The following HMGXB3 variants were observed in gnomAD, a reference collection of about 807,000 sequenced individuals.
HMGXB3 encodes the protein HMG domain-containing protein 3.
Under a neutral mutation model 121.5 loss-of-function variants are expected in HMGXB3, and 45 were observed. The observed-to-expected ratio is 0.37, with a 90% confidence interval of 0.29 to 0.47. HMGXB3 has a LOEUF of 0.47. Ranked by LOEUF, HMGXB3 falls within the 20% of genes least tolerant of loss-of-function variation. The pLI, the probability that HMGXB3 is intolerant of heterozygous loss-of-function variation, is 0.99. For missense variants in HMGXB3, 1,376 were observed against 1,602.2 expected, an observed-to-expected ratio of 0.86 and a Z score of 2.41; for synonymous variants, 590 against 624.1, an observed-to-expected ratio of 0.95 and a Z score of 0.81.
At chr5:150,008,293 T>C (rs1413269221) in intron 3 of HMGXB3, among the ~76,000 whole-genome samples, 4 of 152,096 alleles carry the variant, frequency 2.6e-5, no homozygotes, top group Non-Finnish European at 5.9e-5. Flanking sequence ...CATGAGTAGG[T>C]TAGTTCTGAT....
intron 6 of HMGXB3, among the ~76,000 whole-genome samples, chr5:150,023,851 TA>T (rs1756158415): frequency 6.6e-6 from 1 of 152,238 alleles, no homozygotes; most frequent in South Asian, 2.1e-4. Flanking sequence ...CTGAATCTCA[TA>T]AAAGGACCAC....
chr5:150,023,342 A>G (rs57091804), intron 6 of HMGXB3, among the ~76,000 whole-genome samples: 38,965 of 152,096 alleles, frequency 0.26, 8,267 homozygotes, highest in African/African-American at 0.57. Context: ...CTGAGAGCCC[A>G]ACCCTTTGCT....
At chr5:150,013,316 T>A (rs1755885443) in intron 5 of HMGXB3, among the ~76,000 whole-genome samples, 1 of 152,216 alleles carries the variant, frequency 6.6e-6, no homozygotes, top group Non-Finnish European at 1.5e-5. Context: ...TTCAAATGCT[T>A]TTTCTGTGTC....
Position 150,018,705 on chromosome 5 carries a change from C to A in HMGXB3, c.1041+8C>A, listed in dbSNP as rs374705705. On this transcript the variant is annotated splice_region_variant and intron_variant, in intron 6 of 19. Coordinates refer to ENST00000502717, the MANE Select transcript of HMGXB3 (RefSeq NM_014983.3). ...GGGAAGTGGATCCCAAAGGTAAGGTCCATTGGCTGTTGCTGCTTTGGAAGC... is the reference window on the plus strand; with the variant it reads ...GGGAAGTGGATCCCAAAGGTAAGGTACATTGGCTGTTGCTGCTTTGGAAGC... The A allele has an allele frequency of 1.4e-5, 22 of 1,547,056 alleles. No individual in the cohort carries two copies. In the African/African-American group the frequency reaches 3.0e-4, roughly 21 times the overall value.
chr5:150,025,726 C>G (rs1034111440), intron 7 of HMGXB3, among the ~76,000 whole-genome samples: 1 of 152,054 alleles, frequency 6.6e-6, no homozygotes, highest in East Asian at 1.9e-4. Flanking sequence ...CACTACCACA[C>G]CTGGCTAATT....
chr5:150,042,448 C>T (rs968170630), intron 15 of HMGXB3, among the ~76,000 whole-genome samples: 18 of 152,166 alleles, frequency 1.2e-4, no homozygotes, highest in African/African-American at 1.7e-4. Context: ...GGGAAGGCCC[C>T]TCTGATACAG....
At chr5:150,029,974 T>C (rs185877031) in intron 9 of HMGXB3, among the ~76,000 whole-genome samples, 7 of 152,352 alleles carry the variant, frequency 4.6e-5, no homozygotes, top group Admixed American at 3.3e-4. Context: ...AACCCCAGTC[T>C]TCTCTGTAAA....
intron 11 of HMGXB3, among the ~76,000 whole-genome samples, chr5:150,034,640 T>A (rs1241575165): frequency 6.6e-6 from 1 of 152,208 alleles, no homozygotes; most frequent in Non-Finnish European, 1.5e-5. Context: ...CTGCAGACCT[T>A]CCATCACTTT....
intron 18 of HMGXB3, among the ~76,000 whole-genome samples, chr5:150,049,922 A>T (rs1048024777): frequency 6.6e-6 from 1 of 152,190 alleles, no homozygotes; most frequent in Non-Finnish European, 1.5e-5. Context: ...ACCAGCTCTT[A>T]GCTGCTGCTG....
chr5:150,039,692 A>G (rs1281605751), intron 13 of HMGXB3, among the ~76,000 whole-genome samples: 1 of 151,950 alleles, frequency 6.6e-6, no homozygotes, highest in Non-Finnish European at 1.5e-5. Context: ...TTTTACCTCT[A>G]GCCTGTCAGA....
intron 5 of HMGXB3, among the ~76,000 whole-genome samples, chr5:150,012,863 G>A (rs1452012552): frequency 2.0e-5 from 3 of 152,228 alleles, no homozygotes; most frequent in South Asian, 4.1e-4. Context: ...TATTATAAAT[G>A]GCATTTTTAG....
intron 17 of HMGXB3, 47 bp from the exon 18 acceptor site, chr5:150,048,522 C>A: frequency 8.0e-7 from 1 of 1,243,750 alleles, no homozygotes; most frequent in South Asian, 1.3e-5. Context: ...CAGCCGTGGT[C>A]CCTTAGCATT....
At chr5:150,025,478 TG>T (rs1756206579) in intron 7 of HMGXB3, among the ~76,000 whole-genome samples, 1 of 149,308 alleles carries the variant, frequency 6.7e-6, no homozygotes, top group African/African-American at 2.5e-5. Flanking sequence ...AATATGTATG[TG>T]TGTGTGTGTA....
chr5:150,037,376 TG>T, intron 12 of HMGXB3, 23 bp from the exon 13 acceptor site: 1 of 1,508,186 alleles, frequency 6.6e-7, no homozygotes, highest in Non-Finnish European at 8.9e-7. Context: ...TCTTTTTTTT[TG>T]TTGGTGATGT....
chr5:150,004,881 T>G lies in HMGXB3; in HGVS notation c.29T>G (p.Val10Gly). 1.3e-6 allele frequency: 2 copies of G among 1,551,572 alleles called. No homozygotes were observed. The highest frequency in any genetic ancestry group is 1.7e-6 in the Non-Finnish European group (2 of 1,146,888). The change falls in exon 2 of 20, where the codon GTA (valine) becomes GGA (glycine). Residue 10 changes from valine to glycine, a missense_variant. Around this residue, in one of 2 missense-constraint regions of HMGXB3, gnomAD observed 1,116 missense variants for 1,369.0 expected, o/e 0.82. Transcript: ENST00000502717. Reference protein sequence around the residue: MDASYDGTEVTVVMEEIEEA... With the variant: MDASYDGTEGTVVMEEIEEA... ...GACGCATCATATGATGGTACTGAGG[T>G]AACTGTCGTGATGGAGGAAATTGAG... is the stretch of plus-strand genomic sequence containing the variant.
chr5:150,042,428 G>A (rs985405477), intron 15 of HMGXB3, among the ~76,000 whole-genome samples: 1 of 152,176 alleles, frequency 6.6e-6, no homozygotes, highest in East Asian at 1.9e-4. Context: ...TTTATAGAGG[G>A]CAGTGAGGGG....
chr5:150,005,743 G>C (rs1029286030), intron 2 of HMGXB3, among the ~76,000 whole-genome samples: 4 of 152,126 alleles, frequency 2.6e-5, no homozygotes, highest in African/African-American at 9.7e-5. Flanking sequence ...ACCAGCATTG[G>C]TCATTTTGAT....
chr5:150,040,669 C>T (rs1756608692), intron 13 of HMGXB3, 79 bp from the exon 14 acceptor site: 1 of 1,437,530 alleles, frequency 7.0e-7, no homozygotes, highest in Admixed American at 2.4e-5. Context: ...CGTGCCACCG[C>T]ACCCAGCTGG....
intron 5 of HMGXB3, among the ~76,000 whole-genome samples, chr5:150,012,697 T>C (rs1755870044): frequency 1.3e-5 from 2 of 152,218 alleles, no homozygotes; most frequent in Non-Finnish European, 2.9e-5. Context: ...TCTAATTCAA[T>C]ACTGTGATCG....
Sources: gnomAD v4.1 joint callset for allele counts (sites outside exome capture counted in the v4.1 genomes callset) on GRCh38, gnomAD v4.1.1 for gene constraint, gnomAD v4.1.1 regional missense constraint, MANE v1.5 for transcripts, NCBI Gene and HGNC (gene_info 2026-07-23, HGNC 2026-07-21) for gene names.